The following SCLT1 variants were observed in gnomAD, a reference collection of about 807,000 sequenced individuals.
SCLT1 encodes the protein sodium channel-associated protein 1.
In SCLT1, 78 loss-of-function variants were observed where a neutral mutation model predicts 112.8. That is an observed-to-expected ratio of 0.69 (90% confidence interval 0.58 to 0.83). SCLT1 has a LOEUF of 0.83. SCLT1 is among the 40% of genes least tolerant of loss of function. SCLT1 has a pLI of 0.00. For synonymous variants in SCLT1, 257 were observed against 254.7 expected (o/e 1.01, Z -0.09); for missense variants, 747 against 770.4 (o/e 0.97, Z 0.36).
chr4:129,053,556 G>GTTTTTTTTTTTTTTTTT (rs1749035905), intron 2 of SCLT1, among the ~76,000 whole-genome samples: 2 of 32,418 alleles, frequency 6.2e-5, no homozygotes, highest in African/African-American at 2.6e-4. Context: ...TGCAATCCCT[G>GTTTTTTTTTTTTTTTTT]ATTTTTTTTT....
At chr4:128,890,653 AG>A (rs1405210237) in intron 19 of SCLT1, among the ~76,000 whole-genome samples, 1 of 152,206 alleles carries the variant, frequency 6.6e-6, no homozygotes, top group African/African-American at 2.4e-5. Context: ...TTTAGTTCTA[AG>A]GCATAAATCT....
intron 17 of SCLT1, 129 bp downstream of exon 17, chr4:128,942,866 TA>T (rs1737818234): frequency 1.7e-6 from 1 of 584,978 alleles, no homozygotes; most frequent in Non-Finnish European, 3.0e-6. Flanking sequence ...CACTCTGAAT[TA>T]TGATTTAGTG....
chr4:129,077,866 C>T (rs1028830567), intron 2 of SCLT1, among the ~76,000 whole-genome samples: 3 of 152,144 alleles, frequency 2.0e-5, no homozygotes, highest in Admixed American at 1.3e-4. Flanking sequence ...TCTAGGGATG[C>T]ATTACATATG....
intron 2 of SCLT1, among the ~76,000 whole-genome samples, chr4:129,065,493 A>T (rs1750398287): frequency 6.6e-6 from 1 of 152,128 alleles, no homozygotes; most frequent in Non-Finnish European, 1.5e-5. Flanking sequence ...GACTTTGTCA[A>T]TAACATGGTT....
intron 17 of SCLT1, among the ~76,000 whole-genome samples, chr4:128,942,717 T>C (rs1355774731): frequency 6.6e-6 from 1 of 152,116 alleles, no homozygotes; most frequent in South Asian, 2.1e-4. Context: ...TAATCCATGG[T>C]TTTGCTAGTG....
intron 18 of SCLT1, among the ~76,000 whole-genome samples, chr4:128,921,102 G>T (rs1735846673): frequency 6.6e-6 from 1 of 152,094 alleles, no homozygotes; most frequent in African/African-American, 2.4e-5. Context: ...CCAGGGAGGG[G>T]AAAGATCTCT....
rs1394622577 is a variant in SCLT1, at chr4:129,082,320, A to T, written c.88T>A (p.Tyr30Asn). The change falls in exon 2 of 21, where the codon TAT becomes AAT. Residue 30 changes from tyrosine to asparagine, a missense_variant. Physicochemically the swap from Tyr to Asn is moderately radical, Grantham distance 143. Transcript: ENST00000281142. ...AATTTACATACCTGTACAGATGAAT[A>T]TTTGGAAAAACTTTCCATTTGATAC... ...RRYQMESFSKYSSVQKAVCQG... is the reference protein window; with the variant it reads ...RRYQMESFSKNSSVQKAVCQG... 1.3e-6 allele frequency: 2 copies of T among 1,564,776 alleles called. No individual in the cohort carries two copies. The highest frequency in any genetic ancestry group is 2.7e-5 in the African/African-American group (2 of 73,728).
In SCLT1 at chr4:128,999,682, T is replaced by C. The variant is rs142407438; in HGVS notation, c.539A>G (p.Gln180Arg). 124 of 1,598,500 alleles carry C rather than the reference T, an allele frequency of 7.8e-5. No homozygotes were observed. In the Middle Eastern group the frequency reaches 8.3e-4, roughly 11 times the overall value. ...TEAQIHVFESQKQKDQLFDFQ... is the reference protein window; with the variant it reads ...TEAQIHVFESRKQKDQLFDFQ... ...GAAATCCAAGATTACCTTTTGTTTT[T>C]GACTTTCAAATACATGAATCTGGGC... is the stretch of plus-strand genomic sequence containing the variant. The change falls in exon 7 of 21, where the codon CAA (glutamine) becomes CGA (arginine). Residue 180 changes from glutamine (Q) to arginine (R), a missense_variant. Gln to Arg is a conservative substitution (Grantham distance 43, BLOSUM62 1). This residue lies in a region of SCLT1 where 723 missense variants were observed against 721.3 expected (regional missense o/e 1.00). Coordinates refer to ENST00000281142, the MANE Select transcript of SCLT1 (RefSeq NM_144643.4).
chr4:128,950,747 A>C (rs867203660), intron 14 of SCLT1, among the ~76,000 whole-genome samples: 7 of 152,142 alleles, frequency 4.6e-5, no homozygotes, highest in African/African-American at 1.7e-4. Context: ...ACTTCCAAAA[A>C]ATTCATCCAT....
chr4:128,948,275 G>T (rs1159510448), intron 15 of SCLT1, among the ~76,000 whole-genome samples: 1 of 141,114 alleles, frequency 7.1e-6, no homozygotes, highest in Non-Finnish European at 1.5e-5. Flanking sequence ...GGTGGAGGTT[G>T]CAGTGAGCCG....
chr4:128,936,125 T>TA (rs1553964598), intron 18 of SCLT1, among the ~76,000 whole-genome samples: 10 of 151,902 alleles, frequency 6.6e-5, no homozygotes, highest in South Asian at 6.2e-4. Context: ...TCTTTTTTTT[T>TA]AATAGATTTT....
intron 17 of SCLT1, among the ~76,000 whole-genome samples, chr4:128,937,275 C>T (rs1352213162): frequency 4.8e-5 from 1 of 20,934 alleles, no homozygotes; most frequent in African/African-American, 2.1e-4. Context: ...AAGACTCTGT[C>T]TCAAAAAAAA....
chr4:128,891,200 T>C, intron 18 of SCLT1, 63 bp from the exon 19 acceptor site: 2 of 1,233,476 alleles, frequency 1.6e-6, no homozygotes, highest in Admixed American at 1.8e-5. Flanking sequence ...GAATCTTTAT[T>C]AGCAAGATAC....
At chr4:128,873,256 G>GAAAAAAAAAAAAAAAGA (rs1732324496) in intron 5 of SCLT1, 2 of 28,686 alleles carry the variant, frequency 7.0e-5, no homozygotes, top group African/African-American at 2.4e-4. Context: ...TAAGAAAAAG[G>GAAAAAAAAAAAAAAAGA]AAAAAAAAAA....
chr4:129,013,887 A>G (rs1302925556), intron 5 of SCLT1, among the ~76,000 whole-genome samples: 1 of 152,146 alleles, frequency 6.6e-6, no homozygotes, highest in Non-Finnish European at 1.5e-5. Context: ...AATGGATGGT[A>G]TTCTGAAATG....
chr4:129,076,267 A>AT (rs1475481739), intron 2 of SCLT1, among the ~76,000 whole-genome samples: 2 of 152,142 alleles, frequency 1.3e-5, no homozygotes. Context: ...AATTCATTGA[A>AT]TGAGTATATT....
intron 5 of SCLT1, among the ~76,000 whole-genome samples, chr4:129,028,656 C>A (rs1452175141): frequency 6.6e-6 from 1 of 152,122 alleles, no homozygotes; most frequent in African/African-American, 2.4e-5. Context: ...GCAATGGCAA[C>A]AAAAGCCAAA....
At position 128,999,749 on chromosome 4, in the gene SCLT1, A is replaced by G. The variant is rs35847670; in HGVS notation, c.472T>C (p.Leu158=). ...VELWQTVSQE[L]DRLHKLYQEH... is the part of the protein sequence containing the mutation. Reference sequence around the variant, plus strand: ...TGGTAAAGCTTGTGTAGTCTGTCCAACTCCTGAGAAACAGTCTGCCAGAGT... The same window carrying G: ...TGGTAAAGCTTGTGTAGTCTGTCCAGCTCCTGAGAAACAGTCTGCCAGAGT... Residue 158 remains leucine (L), a synonymous_variant, in exon 7 of 21, where the codon TTG becomes CTG. Transcript: ENST00000281142. 8.1e-6 allele frequency: 13 copies of G among 1,604,162 alleles called. No individual in the cohort carries two copies. The highest frequency in any genetic ancestry group is 1.1e-5 in the Non-Finnish European group (13 of 1,173,784).
At chr4:128,914,543 G>C (rs888617407) in intron 18 of SCLT1, among the ~76,000 whole-genome samples, 2 of 152,094 alleles carry the variant, frequency 1.3e-5, no homozygotes, top group Non-Finnish European at 2.9e-5. Flanking sequence ...GATAAATGAA[G>C]AGTTTGTAAG....
Sources: gnomAD v4.1 joint callset for allele counts (sites outside exome capture counted in the v4.1 genomes callset) on GRCh38, gnomAD v4.1.1 for gene constraint, gnomAD v4.1.1 regional missense constraint, MANE v1.5 for transcripts, NCBI Gene and HGNC (gene_info 2026-07-23, HGNC 2026-07-21) for gene names.